Variants in ATP10B observed in about 807,000 individuals in gnomAD.
ATP10B encodes the protein ATPase phospholipid transporting 10B (putative), also known as phospholipid-transporting ATPase VB.
Under a neutral mutation model 141.2 loss-of-function variants are expected in ATP10B, and 122 were observed. The observed-to-expected ratio is 0.86, with a 90% CI of 0.75 to 1.00. The LOEUF (loss-of-function observed/expected upper bound fraction) is 1.00. ATP10B is among the 50% of genes least tolerant of loss of function. The pLI is 0.00. For synonymous variants in ATP10B, 685 were observed against 692.0 expected (o/e 0.99, Z 0.16); for missense variants, 1,876 against 1,825.3 (o/e 1.03, Z -0.51).
chr5:160,604,736 G>T (rs1426065090), intron 19 of ATP10B, among the ~76,000 whole-genome samples: 1 of 151,986 alleles, frequency 6.6e-6, no homozygotes, highest in Non-Finnish European at 1.5e-5. Context: ...ACACACACAC[G>T]GTCTCCTTCT....
At chr5:160,880,745 C>T in the ATP10B span, among the ~76,000 whole-genome samples, 20 of 151,452 alleles carry the variant, frequency 1.3e-4, no homozygotes, top group Admixed American at 3.9e-4. Flanking sequence ...ATTCACATGC[C>T]AAAAAAAATC....
At chr5:160,903,444 C>T in the ATP10B span, among the ~76,000 whole-genome samples, 3 of 152,168 alleles carry the variant, frequency 2.0e-5, no homozygotes, top group Non-Finnish European at 4.4e-5. Context: ...ATTTTGTCTG[C>T]ACTGGGAGTA....
intron 2 of ATP10B, among the ~76,000 whole-genome samples, chr5:160,775,506 C>T (rs780318247): frequency 3.3e-5 from 5 of 152,094 alleles, no homozygotes; most frequent in Non-Finnish European, 7.3e-5. Flanking sequence ...ATATGGACTA[C>T]AGCACTGACA....
intron 3 of ATP10B, among the ~76,000 whole-genome samples, chr5:160,708,887 G>A (rs1215941496): frequency 3.3e-5 from 5 of 152,130 alleles, no homozygotes; most frequent in Non-Finnish European, 5.9e-5. Context: ...ACCCCTTAGA[G>A]ACTGAGATTC....
intron 3 of ATP10B, among the ~76,000 whole-genome samples, chr5:160,708,600 C>T (rs1765161025): frequency 6.6e-6 from 1 of 152,142 alleles, no homozygotes. Flanking sequence ...GGGTGGGGCT[C>T]TGTTGAGTAC....
chr5:160,862,181 T>A, the ATP10B span, among the ~76,000 whole-genome samples: 1 of 152,014 alleles, frequency 6.6e-6, no homozygotes, highest in Non-Finnish European at 1.5e-5. Context: ...TGAACACTAA[T>A]CTAGATGTTG....
chr5:160,873,117 T>TC, the ATP10B span, among the ~76,000 whole-genome samples: 10 of 151,238 alleles, frequency 6.6e-5, no homozygotes, highest in Admixed American at 6.6e-4. Flanking sequence ...TCCTAAGGTT[T>TC]TTTTTGTTTT....
chr5:160,682,814 C>T (rs1470971444), intron 6 of ATP10B, among the ~76,000 whole-genome samples: 3 of 151,920 alleles, frequency 2.0e-5, no homozygotes, highest in East Asian at 1.9e-4. Flanking sequence ...CCGAGGCGGG[C>T]GGATCACGAA....
chr5:160,860,756 T>A, the ATP10B span, among the ~76,000 whole-genome samples: 1 of 151,968 alleles, frequency 6.6e-6, no homozygotes, highest in Non-Finnish European at 1.5e-5. Flanking sequence ...TTGTTTAGCC[T>A]TCACATACTT....
rs1554119636 is a variant in ATP10B at position 160,812,020 on chromosome 5, C to CAGAGACAGAGAG, written c.-575-26218_-575-26217insCTCTCTGTCTCT. ...AGAGAGACAGAGACAGAGACAGAGA[C>CAGAGACAGAGAG]AGAGAGAGAGAGAGAGAGAGAGAGA... On this transcript the variant is annotated intron_variant, in intron 1 of 25. Coordinates refer to ENST00000327245, the MANE Select transcript of ATP10B (RefSeq NM_025153.3). Among the ~76,000 whole-genome samples the CAGAGACAGAGAG allele has an allele frequency of 2.7e-5, 3 of 111,516 alleles. No individual in the cohort carries two copies. In the East Asian group the frequency reaches 1.0e-3, roughly 37 times the overall value. 73.2% of individuals were successfully genotyped at this position (111,516 alleles called of 152,430 possible).
chr5:160,715,161 C>T (rs1477416712), intron 3 of ATP10B, among the ~76,000 whole-genome samples: 2 of 149,544 alleles, frequency 1.3e-5, no homozygotes, highest in Non-Finnish European at 3.0e-5. Flanking sequence ...AGGTTCCCGG[C>T]TGCTTTGTTT....
chr5:160,842,427 A>G (rs1480826094), intron 1 of ATP10B, among the ~76,000 whole-genome samples: 1 of 152,132 alleles, frequency 6.6e-6, no homozygotes, highest in African/African-American at 2.4e-5. Context: ...AAGATAAAAA[A>G]ATAAAGAGCG....
At chr5:160,693,072 A>C (rs1258670041) in intron 3 of ATP10B, among the ~76,000 whole-genome samples, 10 of 152,194 alleles carry the variant, frequency 6.6e-5, no homozygotes, top group Non-Finnish European at 4.4e-5. Flanking sequence ...ATTCTATAAA[A>C]CAACTGGCCT....
At chr5:160,823,007 T>C (rs1170452336) in intron 1 of ATP10B, among the ~76,000 whole-genome samples, 49 of 107,504 alleles carry the variant, frequency 4.6e-4, no homozygotes, top group African/African-American at 1.7e-3. Context: ...TATACATATA[T>C]ATATATATAT....
upstream of ATP10B, among the ~76,000 whole-genome samples, chr5:160,852,797 C>A (rs550906940): frequency 2.1e-4 from 32 of 152,106 alleles, no homozygotes; most frequent in African/African-American, 7.5e-4. Context: ...TACAACTCAA[C>A]TAATTGGCAT....
At chr5:160,812,987 G>C (rs1357404543) in intron 1 of ATP10B, among the ~76,000 whole-genome samples, 1 of 152,182 alleles carries the variant, frequency 6.6e-6, no homozygotes, top group Admixed American at 6.5e-5. Context: ...CAATAATAAA[G>C]AAAGAATCTT....
chr5:160,591,158 C>T lies in ATP10B; in HGVS notation c.3565-19G>A. 6.2e-7 allele frequency: 1 copy of T among 1,603,382 alleles called. No homozygotes were observed. Among genetic ancestry groups the T allele is most frequent in the South Asian group, 1.1e-5 (1 of 90,450 alleles). Reference sequence around the variant, plus strand: ...TATAGCACTGCCAGGAGAGAACACACCAATAATTATCACCCTTATAGCAAG... The same window carrying T: ...TATAGCACTGCCAGGAGAGAACACATCAATAATTATCACCCTTATAGCAAG... On this transcript the variant is annotated intron_variant, in intron 22 of 25. Coordinates refer to ENST00000327245, the MANE Select transcript of ATP10B (RefSeq NM_025153.3).
At chr5:160,833,918 G>A (rs1364683334) in intron 1 of ATP10B, among the ~76,000 whole-genome samples, 3 of 152,046 alleles carry the variant, frequency 2.0e-5, no homozygotes, top group East Asian at 3.9e-4. Context: ...AACTTTATGG[G>A]AAAACTTTGT....
chr5:160,864,051 TTAAAGA>T, the ATP10B span, among the ~76,000 whole-genome samples: 1 of 151,846 alleles, frequency 6.6e-6, no homozygotes, highest in Admixed American at 6.6e-5. Context: ...ACTGAAACTA[TTAAAGA>T]TAAAGAGGGA....
Sources: allele counts gnomAD v4.1 joint callset (sites outside exome capture counted in the v4.1 genomes callset), GRCh38; gene constraint gnomAD v4.1.1; transcripts MANE v1.5; gene names NCBI Gene and HGNC (gene_info 2026-07-23, HGNC 2026-07-21).